Variants in GRIA2 observed in about 807,000 individuals in gnomAD.
The protein encoded by GRIA2 is glutamate receptor 2.
GRIA2 carries 14 observed loss-of-function variants against 97.3 expected under a neutral mutation model. The ratio of observed to expected loss-of-function variants is 0.14; its 90% CI spans 0.10 to 0.23. The LOEUF (loss-of-function observed/expected upper bound fraction) is 0.23, where lower values mean the gene tolerates loss of function less well. GRIA2 is among the 10% of genes least tolerant of loss of function. The probability of loss-of-function intolerance (pLI) is 1.00; values close to 1 mark genes in which losing one functional copy is unlikely to be tolerated. For synonymous variants in GRIA2, 412 were observed against 387.8 expected (o/e 1.06, Z -0.73); for missense variants, 558 against 1,069.8 (o/e 0.52, Z 6.67).
intron 2 of GRIA2, among the ~76,000 whole-genome samples, chr4:157,243,929 G>GA (rs952540859): frequency 2.7e-5 from 4 of 150,276 alleles, no homozygotes; most frequent in East Asian, 1.9e-4. Flanking sequence ...TAAACAAATA[G>GA]AAAAAAAAGC....
At chr4:157,261,687 G>A (rs752489990) in intron 2 of GRIA2, among the ~76,000 whole-genome samples, 16 of 152,058 alleles carry the variant, frequency 1.1e-4, no homozygotes, top group East Asian at 1.9e-4. Context: ...CTCCACCTTC[G>A]TGATGTTTCT....
At chr4:157,256,246 A>G (rs1250455498) in intron 2 of GRIA2, among the ~76,000 whole-genome samples, 1 of 82,248 alleles carries the variant, frequency 1.2e-5, no homozygotes, top group South Asian at 2.8e-4. Flanking sequence ...ATATATATAT[A>G]ATATATAAAT....
At chr4:157,243,776 C>T (rs921227721) in intron 2 of GRIA2, among the ~76,000 whole-genome samples, 3 of 151,996 alleles carry the variant, frequency 2.0e-5, no homozygotes, top group Admixed American at 1.3e-4. Flanking sequence ...AGTTGGGATG[C>T]ACATAGGCTT....
Position 157,236,920 on chromosome 4 carries a change from C to G in GRIA2, c.229+15113C>G, listed in dbSNP as rs200631397. ...TGTGATGTGTTTCAGCTGTTTTACC[C>G]AGCTTTGTGTCTTTTTAACCTGTTT... On this transcript the variant is annotated intron_variant, in intron 2 of 15. Coordinates refer to ENST00000264426, the MANE Select transcript of GRIA2 (RefSeq NM_001083619.3). 3.3e-5 allele frequency among the ~76,000 whole-genome samples: 5 copies of G among 152,054 alleles called. No homozygotes were observed. The East Asian group carries it at 9.6e-4, about 29-fold the overall frequency.
intron 13 of GRIA2, chr4:157,360,747 GA>G (rs1560783955): frequency 1.8e-6 from 1 of 546,800 alleles, no homozygotes; most frequent in East Asian, 4.5e-5. Context: ...GTTTGTTGTG[GA>G]TGTGAGTACA....
chr4:157,353,568 T>C (rs1736115451), intron 12 of GRIA2, among the ~76,000 whole-genome samples: 1 of 148,584 alleles, frequency 6.7e-6, no homozygotes, highest in Non-Finnish European at 1.5e-5. Flanking sequence ...CCCAGCTACT[T>C]GGGAGGCTGA....
intron 3 of GRIA2, among the ~76,000 whole-genome samples, chr4:157,304,895 CT>C (rs1479596828): frequency 6.6e-6 from 1 of 152,064 alleles, no homozygotes; most frequent in Non-Finnish European, 1.5e-5. Flanking sequence ...ATTCTCTGCC[CT>C]GTCCTCCTAA....
chr4:157,223,965 A>C (rs1271807436), intron 2 of GRIA2, among the ~76,000 whole-genome samples: 1 of 152,194 alleles, frequency 6.6e-6, no homozygotes, highest in East Asian at 1.9e-4. Context: ...TTTTAAATAG[A>C]AATTTTTCTG....
chr4:157,287,812 A>G (rs1732913887), intron 2 of GRIA2, among the ~76,000 whole-genome samples: 1 of 151,566 alleles, frequency 6.6e-6, no homozygotes, highest in Non-Finnish European at 1.5e-5. Flanking sequence ...CCGATGAGCC[A>G]TTAAAATTCA....
intron 12 of GRIA2, among the ~76,000 whole-genome samples, chr4:157,355,926 T>TATATAAATATATATATTA (rs1370504682): frequency 0.015 from 811 of 55,130 alleles, no homozygotes; most frequent in Middle Eastern, 0.075. Flanking sequence ...AATATATTTA[T>TATATAAATATATATATTA]ATATATTTAT....
intron 12 of GRIA2, among the ~76,000 whole-genome samples, chr4:157,355,699 T>C (rs1250881281): frequency 8.3e-6 from 1 of 120,162 alleles, no homozygotes; most frequent in Non-Finnish European, 1.6e-5. Context: ...TTTATTTATA[T>C]ATATTTGTAT....
intron 2 of GRIA2, among the ~76,000 whole-genome samples, chr4:157,243,861 TAAG>T (rs1159647827): frequency 2.0e-5 from 3 of 151,824 alleles, no homozygotes; most frequent in African/African-American, 4.8e-5. Flanking sequence ...GGGCAGACAT[TAAG>T]AAGACTAGAA....
intron 2 of GRIA2, among the ~76,000 whole-genome samples, chr4:157,245,288 G>A (rs1730679635): frequency 6.6e-6 from 1 of 151,946 alleles, no homozygotes; most frequent in Non-Finnish European, 1.5e-5. Context: ...TGTTTCTGCT[G>A]CCAGGTTCAA....
chr4:157,266,297 G>C (rs548347891), intron 2 of GRIA2, among the ~76,000 whole-genome samples: 11 of 152,260 alleles, frequency 7.2e-5, no homozygotes, highest in East Asian at 1.9e-4. Context: ...TTGCGGATGA[G>C]AGTACCTAAA....
intron 2 of GRIA2, among the ~76,000 whole-genome samples, chr4:157,222,864 C>G (rs376761768): frequency 6.6e-6 from 1 of 152,182 alleles, no homozygotes; most frequent in African/African-American, 2.4e-5. Context: ...CCGGTCCCCG[C>G]GCTCGCTCCC....
chr4:157,302,335 ATTATTC>A (rs1398332297), intron 2 of GRIA2, among the ~76,000 whole-genome samples: 5 of 152,274 alleles, frequency 3.3e-5, no homozygotes, highest in African/African-American at 7.2e-5. Flanking sequence ...GTTTCAAAAT[ATTATTC>A]TTATTATATT....
At chr4:157,284,839 G>T (rs989489487) in intron 2 of GRIA2, among the ~76,000 whole-genome samples, 5 of 151,680 alleles carry the variant, frequency 3.3e-5, no homozygotes, top group African/African-American at 1.2e-4. Flanking sequence ...ATACTCCAGT[G>T]CCTGGTGGTT....
intron 2 of GRIA2, among the ~76,000 whole-genome samples, chr4:157,284,103 T>G (rs1732730339): frequency 6.6e-6 from 1 of 151,914 alleles, no homozygotes; most frequent in Non-Finnish European, 1.5e-5. Flanking sequence ...TTTCAACTAT[T>G]TGTAAGTGGC....
intron 2 of GRIA2, among the ~76,000 whole-genome samples, chr4:157,229,351 A>G (rs1322344120): frequency 6.6e-6 from 1 of 152,184 alleles, no homozygotes; most frequent in African/African-American, 2.4e-5. Context: ...ACACATTATC[A>G]TATTACTGGG....
Sources: gnomAD v4.1 joint callset for allele counts (sites outside exome capture counted in the v4.1 genomes callset) on GRCh38, gnomAD v4.1.1 for gene constraint, MANE v1.5 for transcripts, NCBI Gene and HGNC (gene_info 2026-07-23, HGNC 2026-07-21) for gene names.